The following SPMIP2 variants were observed in gnomAD, a reference collection of about 807,000 sequenced individuals.
SPMIP2 encodes the protein sperm microtubule inner protein 2.
At chr4:158,948,065 A>C in the SPMIP2 span, among the ~76,000 whole-genome samples, 1 of 152,116 alleles carries the variant, frequency 6.6e-6, no homozygotes, top group African/African-American at 2.4e-5. Flanking sequence ...ACTCTATTTA[A>C]CCCAATACTT....
At chr4:159,019,379 G>A in the SPMIP2 span, among the ~76,000 whole-genome samples, 2 of 150,818 alleles carry the variant, frequency 1.3e-5, no homozygotes, top group African/African-American at 2.4e-5. Context: ...AGATTTCCTC[G>A]GAGTAGAGGT....
At chr4:158,941,682 C>G in the SPMIP2 span, among the ~76,000 whole-genome samples, 1 of 152,084 alleles carries the variant, frequency 6.6e-6, no homozygotes, top group Non-Finnish European at 1.5e-5. Flanking sequence ...GAGATTTCTG[C>G]TCAAATTATT....
chr4:158,996,200 G>A, the SPMIP2 span, among the ~76,000 whole-genome samples: 1 of 152,180 alleles, frequency 6.6e-6, no homozygotes, highest in Non-Finnish European at 1.5e-5. Flanking sequence ...TTCCTGTCAA[G>A]TAGAGAAAGA....
the SPMIP2 span, among the ~76,000 whole-genome samples, chr4:159,009,655 G>A: frequency 2.6e-5 from 4 of 152,214 alleles, no homozygotes; most frequent in South Asian, 8.3e-4. Context: ...TTGCTATTGA[G>A]AGGCTCTCAT....
the SPMIP2 span, chr4:158,893,670 C>T: frequency 6.3e-7 from 1 of 1,579,794 alleles, no homozygotes; most frequent in Non-Finnish European, 8.6e-7. Flanking sequence ...GTTTCTCCTT[C>T]TAAAAGCAGG....
At chr4:158,985,648 C>G in the SPMIP2 span, among the ~76,000 whole-genome samples, 14 of 149,684 alleles carry the variant, frequency 9.4e-5, no homozygotes, top group South Asian at 2.1e-4. Flanking sequence ...ATAATAAGAG[C>G]TATCTATGAC....
chr4:158,929,380 A>G, the SPMIP2 span, among the ~76,000 whole-genome samples: 1 of 152,180 alleles, frequency 6.6e-6, no homozygotes, highest in South Asian at 2.1e-4. Context: ...ATAGTCATTG[A>G]TTTGGTAGGA....
At chr4:158,951,159 A>G in the SPMIP2 span, among the ~76,000 whole-genome samples, 1 of 152,172 alleles carries the variant, frequency 6.6e-6, no homozygotes, top group South Asian at 2.1e-4. Flanking sequence ...TGTTTCCTAA[A>G]TGCTTTGCTG....
At chr4:159,056,210 T>C in the SPMIP2 span, among the ~76,000 whole-genome samples, 1 of 152,370 alleles carries the variant, frequency 6.6e-6, no homozygotes, top group East Asian at 1.9e-4. Flanking sequence ...TGACTTTGGC[T>C]TACATCCCAA....
At chr4:158,937,294 A>G in the SPMIP2 span, among the ~76,000 whole-genome samples, 1 of 152,256 alleles carries the variant, frequency 6.6e-6, no homozygotes, top group Non-Finnish European at 1.5e-5. Flanking sequence ...GAATGACTAG[A>G]CAACCATATT....
chr4:159,014,748 T>C, the SPMIP2 span, among the ~76,000 whole-genome samples: 1 of 152,098 alleles, frequency 6.6e-6, no homozygotes, highest in African/African-American at 2.4e-5. Context: ...CTTCCCTGGG[T>C]TACATTGGAA....
chr4:158,950,414 G>C, the SPMIP2 span, among the ~76,000 whole-genome samples: 2 of 152,138 alleles, frequency 1.3e-5, no homozygotes. Flanking sequence ...ACAGCCATTT[G>C]AGCTGTTAGG....
chr4:159,071,900 G>A, the SPMIP2 span, among the ~76,000 whole-genome samples: 1 of 152,148 alleles, frequency 6.6e-6, no homozygotes, highest in South Asian at 2.1e-4. Flanking sequence ...GCTGCCTGGG[G>A]GTTAGTAGAC....
the SPMIP2 span, among the ~76,000 whole-genome samples, chr4:158,949,778 G>A: frequency 6.6e-6 from 1 of 152,174 alleles, no homozygotes; most frequent in Non-Finnish European, 1.5e-5. Context: ...CCTGTTGAAT[G>A]TGGCTGCTAA....
At chr4:158,965,901 T>C in the SPMIP2 span, among the ~76,000 whole-genome samples, 2 of 152,166 alleles carry the variant, frequency 1.3e-5, no homozygotes, top group Non-Finnish European at 2.9e-5. Flanking sequence ...GGGGCTGGTA[T>C]TGATGTTGTA....
chr4:159,035,660 C>T, the SPMIP2 span, among the ~76,000 whole-genome samples: 1 of 152,136 alleles, frequency 6.6e-6, no homozygotes, highest in Non-Finnish European at 1.5e-5. Flanking sequence ...TTAAATAGTG[C>T]TTGTGCTTTG....
chr4:158,909,948 A>C, the SPMIP2 span, among the ~76,000 whole-genome samples: 1 of 152,272 alleles, frequency 6.6e-6, no homozygotes, highest in East Asian at 1.9e-4. Flanking sequence ...AGGCTGAGGC[A>C]GGAAAATTGT....
chr4:158,989,754 G>A, the SPMIP2 span, among the ~76,000 whole-genome samples: 1 of 152,170 alleles, frequency 6.6e-6, no homozygotes, highest in African/African-American at 2.4e-5. Flanking sequence ...AGACTTAAAT[G>A]TAAGACCTAA....
chr4:159,043,583 A>G, the SPMIP2 span, among the ~76,000 whole-genome samples: 3 of 152,150 alleles, frequency 2.0e-5, no homozygotes, highest in Non-Finnish European at 4.4e-5. Context: ...TCCTGACCTC[A>G]TGATCCGCCC....
Sources: allele counts gnomAD v4.1 joint callset (sites outside exome capture counted in the v4.1 genomes callset), GRCh38; gene constraint gnomAD v4.1.1; transcripts MANE v1.5; gene names NCBI Gene and HGNC (gene_info 2026-07-23, HGNC 2026-07-21).